ACSM5: variants seen among roughly 807,000 people sequenced by gnomAD.
The protein encoded by ACSM5 is acyl-coenzyme A synthetase ACSM5, mitochondrial.
In ACSM5, 56 loss-of-function variants were observed where a neutral mutation model predicts 71.6. The ratio of observed to expected loss-of-function variants is 0.78; its 90% confidence interval spans 0.63 to 0.98. The LOEUF is 0.98. ACSM5 is among the 50% of genes least tolerant of loss of function. The pLI is 0.00. For synonymous variants in ACSM5, 285 were observed against 281.5 expected, an observed-to-expected ratio of 1.01 and a Z score of -0.12; for missense variants, 723 against 726.0, an observed-to-expected ratio of 1.00 and a Z score of 0.05.
chr16:20,411,130 C>T (rs1966846871), intron 1 of ACSM5, among the ~76,000 whole-genome samples: 1 of 152,192 alleles, frequency 6.6e-6, no homozygotes, highest in Admixed American at 6.5e-5. Context: ...CAGTGCTGCC[C>T]TAGAGCTGTC....
intron 10 of ACSM5, among the ~76,000 whole-genome samples, chr16:20,434,904 G>C (rs1280811095): frequency 1.3e-5 from 2 of 152,126 alleles, no homozygotes; most frequent in African/African-American, 4.8e-5. Flanking sequence ...TTAGCCCTTT[G>C]CTCATTCATT....
intron 4 of ACSM5, among the ~76,000 whole-genome samples, chr16:20,420,175 A>T (rs987724565): frequency 1.3e-5 from 2 of 152,198 alleles, no homozygotes; most frequent in Non-Finnish European, 2.9e-5. Flanking sequence ...TTGAGTTATG[A>T]ATGCTCACCC....
intron 2 of ACSM5, among the ~76,000 whole-genome samples, 170 bp from the exon 3 acceptor site, chr16:20,417,889 G>A (rs1966860338): frequency 1.3e-5 from 2 of 152,216 alleles, no homozygotes; most frequent in South Asian, 4.1e-4. Flanking sequence ...AACAGGGCAG[G>A]TAGGTATAAG....
At position 20,440,476 on chromosome 16, in the gene ACSM5, C is replaced by G. The variant is rs1276857264; in HGVS notation, c.*49C>G. ...AGACCTCCGAAGACTCCACAAGAAA[C>G]TAATGGATCACTGGTCAGTCCCCAT... On this transcript the variant is annotated 3_prime_UTR_variant, in exon 14 of 14. Coordinates refer to ENST00000331849, the MANE Select transcript of ACSM5 (RefSeq NM_017888.3). 2.0e-6 allele frequency: 3 copies of G among 1,514,432 alleles called. No homozygotes were observed. 93.8% of individuals were successfully genotyped at this position (1,514,432 alleles called of 1,614,324 possible).
At chr16:20,427,358 T>C (rs965030958) in intron 6 of ACSM5, among the ~76,000 whole-genome samples, 14 of 152,166 alleles carry the variant, frequency 9.2e-5, no homozygotes, top group Non-Finnish European at 1.8e-4. Flanking sequence ...TAGACTTCAA[T>C]TTCTCACTGG....
chr16:20,422,962 G>A (rs1966906671), intron 5 of ACSM5, among the ~76,000 whole-genome samples: 2 of 152,280 alleles, frequency 1.3e-5, no homozygotes, highest in Admixed American at 1.3e-4. Flanking sequence ...GTTTGTTTAT[G>A]GAGTTGTCAA....
chr16:20,426,402 G>C (rs186988947), intron 6 of ACSM5, among the ~76,000 whole-genome samples: 3 of 152,238 alleles, frequency 2.0e-5, no homozygotes, highest in Admixed American at 2.0e-4. Context: ...CTTAATGAGG[G>C]GTTTTTGGAG....
At chr16:20,431,185 T>C (rs1350111036) in intron 9 of ACSM5, 35 bp from the exon 10 acceptor site, 18 of 1,599,826 alleles carry the variant, frequency 1.1e-5, no homozygotes, top group African/African-American at 1.3e-5. Context: ...GTGTAGACAC[T>C]CACGTATGCA....
At chr16:20,439,267 G>T (rs569777851) in intron 12 of ACSM5, among the ~76,000 whole-genome samples, 7 of 124,540 alleles carry the variant, frequency 5.6e-5, no homozygotes, top group Non-Finnish European at 1.1e-4. Flanking sequence ...TGGGCAGAGA[G>T]ACCCAAGATG....
In ACSM5 at chr16:20,427,831, C is replaced by A; in HGVS notation, c.965C>A (p.Thr322Asn). The A allele has an allele frequency of 6.2e-7, 1 of 1,614,090 alleles. No homozygotes were observed. Among genetic ancestry groups the A allele is most frequent in the East Asian group, 2.2e-5 (1 of 44,888 alleles). The stretch of plus-strand genomic sequence containing the variant: ...ATAACCACCCTCTGCTGTGTCCCAA[C>A]CATCTTTCGGCTGCTTGTGCAGGAG... ...FPITTLCCVP[T>N]IFRLLVQEDL... The change falls in exon 7 of 14, where the codon ACC (threonine) becomes AAC (asparagine). Residue 322 changes from threonine (T) to asparagine (N), a missense_variant. Coordinates refer to ENST00000331849, the MANE Select transcript of ACSM5 (RefSeq NM_017888.3).
chr16:20,440,144 T>C lies in ACSM5; in HGVS notation c.1657-200T>C, dbSNP rs1251638146. ...AGCCTGATCCCTACCACAAATCAGA[T>C]ACAAGAGGTAGTGCTCAAATGCTGT... is the stretch of plus-strand genomic sequence containing the variant. On this transcript the variant is annotated intron_variant, in intron 13 of 13. Coordinates refer to ENST00000331849, the MANE Select transcript of ACSM5 (RefSeq NM_017888.3). 1.2e-5 allele frequency: 8 copies of C among 670,816 alleles called. 1 individual carries two copies. The highest frequency in any genetic ancestry group is 1.8e-5 in the African/African-American group (1 of 54,920). The allele number at this position is 670,816 out of a possible 1,614,324, so 41.6% of individuals were successfully genotyped here.
chr16:20,413,002 T>A (rs1966850464), intron 2 of ACSM5, among the ~76,000 whole-genome samples: 1 of 152,208 alleles, frequency 6.6e-6, no homozygotes, highest in Non-Finnish European at 1.5e-5. Flanking sequence ...ATCCGTGTAC[T>A]TGAAGTGTGA....
chr16:20,430,693 C>T lies in ACSM5; in HGVS notation c.1126-300C>T, dbSNP rs192824997. 6.1e-3 allele frequency among the ~76,000 whole-genome samples: 812 copies of T among 132,846 alleles called. 9 individuals are homozygous for T. Among genetic ancestry groups the T allele is most frequent in the African/African-American group, 0.022 (758 of 35,004 alleles). The allele number at this position is 132,846 out of a possible 152,430, so 87.2% of individuals were successfully genotyped here. ...GAGAGGAAAATGGAGAATGAAATAA[C>T]GGGGAAAAGAATGAAAAAAAGGAGG... On this transcript the variant is annotated intron_variant, in intron 8 of 13. Transcript: ENST00000331849.
chr16:20,429,590 G>T, intron 7 of ACSM5, 88 bp from the exon 8 acceptor site: 1 of 1,573,066 alleles, frequency 6.4e-7, no homozygotes, highest in South Asian at 1.1e-5. Flanking sequence ...TCTAGTGCCT[G>T]TGGTGTTTGC....
chr16:20,417,324 G>A (rs1401824798), intron 2 of ACSM5, among the ~76,000 whole-genome samples: 1 of 152,086 alleles, frequency 6.6e-6, no homozygotes. Flanking sequence ...ACTGGTGAAT[G>A]GATAAACAAA....
intron 3 of ACSM5, among the ~76,000 whole-genome samples, chr16:20,418,784 T>C (rs752251481): frequency 1.3e-5 from 2 of 152,214 alleles, no homozygotes; most frequent in African/African-American, 4.8e-5. Flanking sequence ...GGGACCCTTA[T>C]AACCAATCTA....
At chr16:20,416,967 T>C (rs970856024) in intron 2 of ACSM5, among the ~76,000 whole-genome samples, 2 of 144,654 alleles carry the variant, frequency 1.4e-5, no homozygotes, top group African/African-American at 5.2e-5. Context: ...CTTTATTCAT[T>C]AGGGAAATGC....
rs113319586 is a variant in ACSM5, at chr16:20,431,392, A to G, written c.1308+71A>G. The G allele has an allele frequency of 8.2e-5, 102 of 1,244,280 alleles. No homozygotes were observed. The highest frequency in any genetic ancestry group is 1.4e-4 in the East Asian group (6 of 43,130). The allele number at this position is 1,244,280 out of a possible 1,614,324, so 77.1% of individuals were successfully genotyped here. ...AAGCATTGTGCACCACACTTTGTAAATATCTATTTGTTTAATCCTTACAAT... is the reference window on the plus strand; with the variant it reads ...AAGCATTGTGCACCACACTTTGTAAGTATCTATTTGTTTAATCCTTACAAT... On this transcript the variant is annotated intron_variant, in intron 10 of 13. Transcript: ENST00000331849.
At chr16:20,438,852 G>A (rs1967256296) in intron 12 of ACSM5, among the ~76,000 whole-genome samples, 1 of 150,912 alleles carries the variant, frequency 6.6e-6, no homozygotes, top group African/African-American at 2.4e-5. Flanking sequence ...CTACTCGGGA[G>A]GCTGAGGCAG....
Sources: gnomAD v4.1 joint callset for allele counts (sites outside exome capture counted in the v4.1 genomes callset) on GRCh38, gnomAD v4.1.1 for gene constraint, MANE v1.5 for transcripts, NCBI Gene and HGNC (gene_info 2026-07-23, HGNC 2026-07-21) for gene names.